Variants in CADM1 observed in about 807,000 individuals in gnomAD.
CADM1 encodes the protein cell adhesion molecule 1.
Under a neutral mutation model 53.1 loss-of-function variants are expected in CADM1, and 15 were observed. The ratio of observed to expected loss-of-function variants is 0.28; its 90% CI spans 0.19 to 0.44. The LOEUF is 0.44. Ranked by LOEUF, CADM1 falls within the 20% of genes least tolerant of loss-of-function variation. The probability of loss-of-function intolerance (pLI) is 1.00; values close to 1 mark genes in which losing one functional copy is unlikely to be tolerated. For missense variants in CADM1, 434 were observed against 611.3 expected, an observed-to-expected ratio of 0.71 and a Z score of 3.06; for synonymous variants, 281 against 243.0, an observed-to-expected ratio of 1.16 and a Z score of -1.45.
At chr11:115,365,758 T>C (rs1417187228) in intron 1 of CADM1, among the ~76,000 whole-genome samples, 1 of 152,154 alleles carries the variant, frequency 6.6e-6, no homozygotes, top group Non-Finnish European at 1.5e-5. Context: ...AAATTCTTTG[T>C]TTAAACCCCA....
chr11:115,319,942 T>G (rs1944777266), intron 1 of CADM1, among the ~76,000 whole-genome samples: 1 of 152,204 alleles, frequency 6.6e-6, no homozygotes, highest in Non-Finnish European at 1.5e-5. Context: ...GGGCCTTATT[T>G]GGAGATTCTG....
intron 1 of CADM1, among the ~76,000 whole-genome samples, chr11:115,345,623 G>A (rs1321738133): frequency 6.6e-6 from 1 of 152,196 alleles, no homozygotes; most frequent in African/African-American, 2.4e-5. Flanking sequence ...TTGTCAAGCT[G>A]TCTTTAATCT....
At chr11:115,235,236 G>GA (rs140297232) in intron 3 of CADM1, among the ~76,000 whole-genome samples, 1,613 of 146,726 alleles carry the variant, frequency 0.011, 30 homozygotes, top group African/African-American at 0.035. Flanking sequence ...CTGCTTTTCT[G>GA]AAAAAAAAAG....
intron 1 of CADM1, among the ~76,000 whole-genome samples, chr11:115,341,495 T>C (rs1193818855): frequency 6.6e-6 from 1 of 152,206 alleles, no homozygotes; most frequent in African/African-American, 2.4e-5. Flanking sequence ...CTGTTCTCCA[T>C]CAAGGAATGT....
intron 1 of CADM1, among the ~76,000 whole-genome samples, chr11:115,347,652 C>T (rs1945615373): frequency 1.3e-5 from 2 of 152,140 alleles, no homozygotes; most frequent in South Asian, 4.1e-4. Context: ...ACCACTGTAA[C>T]AATTCTGCTA....
chr11:115,487,873 CAAAAATTTGTATTTCA>C (rs1949411380), intron 1 of CADM1, among the ~76,000 whole-genome samples: 1 of 152,104 alleles, frequency 6.6e-6, no homozygotes, highest in African/African-American at 2.4e-5. Flanking sequence ...AAGACACTGA[CAAAAATTTGTATTTCA>C]AAGATACAAT....
intron 4 of CADM1, 48 bp downstream of exon 4, chr11:115,231,305 C>G: frequency 6.2e-7 from 1 of 1,605,430 alleles, no homozygotes. Context: ...AAAGGCATAT[C>G]TGCTAGAATC....
intron 1 of CADM1, among the ~76,000 whole-genome samples, chr11:115,410,975 C>G (rs753257351): frequency 6.6e-6 from 1 of 152,132 alleles, no homozygotes; most frequent in Admixed American, 6.5e-5. Flanking sequence ...TGGTGACAAA[C>G]CACCGTAGAT....
chr11:115,303,093 A>G (rs958017554), intron 1 of CADM1, among the ~76,000 whole-genome samples: 1 of 152,110 alleles, frequency 6.6e-6, no homozygotes, highest in African/African-American at 2.4e-5. Flanking sequence ...GGGGGGCAAC[A>G]AATAATCTCC....
intron 1 of CADM1, among the ~76,000 whole-genome samples, chr11:115,387,691 T>A (rs1254180187): frequency 6.6e-6 from 1 of 152,108 alleles, no homozygotes; most frequent in South Asian, 2.1e-4. Flanking sequence ...CATTATAGAA[T>A]GGAGATAAGC....
At chr11:115,248,969 A>C (rs775376995) in intron 1 of CADM1, among the ~76,000 whole-genome samples, 16 of 152,200 alleles carry the variant, frequency 1.1e-4, no homozygotes, top group Non-Finnish European at 2.1e-4. Context: ...CATCCAACAA[A>C]CGTGGACTTT....
intron 1 of CADM1, among the ~76,000 whole-genome samples, chr11:115,400,637 A>ATGTG (rs1166167079): frequency 7.0e-5 from 6 of 86,010 alleles, no homozygotes; most frequent in African/African-American, 2.5e-4. Context: ...TGTATCATAT[A>ATGTG]TATGTGTGTG....
chr11:115,290,609 C>T (rs768106113), intron 1 of CADM1, among the ~76,000 whole-genome samples: 1 of 152,102 alleles, frequency 6.6e-6, no homozygotes, highest in Non-Finnish European at 1.5e-5. Flanking sequence ...AGCACAGAAG[C>T]CCCAATAAAA....
intron 1 of CADM1, chr11:115,397,130 C>T (rs1354408497): frequency 6.6e-6 from 1 of 152,074 alleles, no homozygotes; most frequent in Admixed American, 6.6e-5. Flanking sequence ...GAATACAACT[C>T]TGAGTGTGTT....
At chr11:115,394,940 T>C (rs930188724) in intron 1 of CADM1, among the ~76,000 whole-genome samples, 7 of 152,134 alleles carry the variant, frequency 4.6e-5, no homozygotes, top group African/African-American at 9.7e-5. Context: ...GGGTCAGAGA[T>C]TGATTACTTT....
At chr11:115,277,742 G>A (rs1003382154) in intron 1 of CADM1, among the ~76,000 whole-genome samples, 4 of 152,092 alleles carry the variant, frequency 2.6e-5, no homozygotes, top group African/African-American at 9.7e-5. Context: ...ATTTAGTATA[G>A]ACTAAATGCT....
chr11:115,219,207 T>C (rs6589487), intron 5 of CADM1, among the ~76,000 whole-genome samples: 86,159 of 151,960 alleles, frequency 0.57, 25,844 homozygotes, highest in East Asian at 0.79. Context: ...GGTTAGCTCA[T>C]TAACATTCAT....
At chr11:115,479,369 A>G (rs1166793155) in intron 1 of CADM1, among the ~76,000 whole-genome samples, 2 of 152,150 alleles carry the variant, frequency 1.3e-5, no homozygotes, top group Non-Finnish European at 2.9e-5. Context: ...AGACTTGGAA[A>G]TTCATCTTAA....
At chr11:115,354,942 T>C (rs1177798781) in intron 1 of CADM1, among the ~76,000 whole-genome samples, 3 of 152,222 alleles carry the variant, frequency 2.0e-5, no homozygotes, top group Non-Finnish European at 4.4e-5. Flanking sequence ...ATCTCTAATG[T>C]GTCCACTCAT....
Sources: allele counts gnomAD v4.1 joint callset (sites outside exome capture counted in the v4.1 genomes callset), GRCh38; gene constraint gnomAD v4.1.1; transcripts MANE v1.5; gene names NCBI Gene and HGNC (gene_info 2026-07-23, HGNC 2026-07-21).